PLXNA4: variants seen among roughly 807,000 people sequenced by gnomAD.
PLXNA4 encodes plexin-A4.
In PLXNA4, 44 loss-of-function variants were observed where a neutral mutation model predicts 191.8. The observed-to-expected ratio is 0.23, with a 90% CI of 0.18 to 0.29. The LOEUF (loss-of-function observed/expected upper bound fraction) is 0.29, where lower values mean the gene tolerates loss of function less well. Ranked by LOEUF, PLXNA4 falls within the 10% of genes least tolerant of loss-of-function variation. PLXNA4 has a pLI of 1.00. For synonymous variants in PLXNA4, 1,082 were observed against 1,009.5 expected (o/e 1.07, Z -1.36); for missense variants, 1,800 against 2,488.8 (o/e 0.72, Z 5.89).
At chr7:132,355,106 G>A (rs1193245568) in intron 3 of PLXNA4, among the ~76,000 whole-genome samples, 1 of 152,176 alleles carries the variant, frequency 6.6e-6, no homozygotes, top group African/African-American at 2.4e-5. Flanking sequence ...CCCTGGGCTG[G>A]TTCATGAAGC....
At chr7:132,291,747 C>T (rs762540454) in intron 4 of PLXNA4, among the ~76,000 whole-genome samples, 1 of 152,170 alleles carries the variant, frequency 6.6e-6, no homozygotes, top group Non-Finnish European at 1.5e-5. Context: ...CAAGAGCTGG[C>T]CTATTTCAGC....
At chr7:132,412,096 C>A (rs950385942) in intron 3 of PLXNA4, among the ~76,000 whole-genome samples, 41 of 152,220 alleles carry the variant, frequency 2.7e-4, no homozygotes, top group African/African-American at 9.9e-4. Context: ...CCCCTCACCT[C>A]AGCTCCTCAC....
chr7:132,343,804 C>A (rs765108652), intron 3 of PLXNA4, among the ~76,000 whole-genome samples: 3 of 152,290 alleles, frequency 2.0e-5, no homozygotes, highest in Non-Finnish European at 4.4e-5. Flanking sequence ...ATAATCCCAG[C>A]TACTTGGGAG....
At chr7:132,472,166 C>CT (rs1010001195) in intron 3 of PLXNA4, among the ~76,000 whole-genome samples, 82 of 152,182 alleles carry the variant, frequency 5.4e-4, no homozygotes, top group African/African-American at 2.0e-3. Context: ...TGCATACTTG[C>CT]TTTTTGATCA....
chr7:132,228,742 C>A (rs1359555068), intron 5 of PLXNA4, among the ~76,000 whole-genome samples: 1 of 152,240 alleles, frequency 6.6e-6, no homozygotes, highest in African/African-American at 2.4e-5. Context: ...TAAGGTGTTG[C>A]ACAGTTCTGT....
chr7:132,174,793 G>T lies in PLXNA4; in HGVS notation c.4002C>A (p.Val1334=). The T allele has an allele frequency of 1.2e-6, 2 of 1,614,160 alleles. No homozygotes were observed. Among genetic ancestry groups the T allele is most frequent in the Non-Finnish European group, 1.7e-6 (2 of 1,179,976 alleles). ...VLFPGIEDHP[V]LRDLEVPGYR... ...TGCTTCTCACCTCAAGGTCCCGGAGGACAGGGTGGTCTTCAATTCCTGGGA... is the reference window on the plus strand; with the variant it reads ...TGCTTCTCACCTCAAGGTCCCGGAGTACAGGGTGGTCTTCAATTCCTGGGA... Residue 1334 remains valine (V), a synonymous_variant, in exon 21 of 32, where the codon GTC becomes GTA. Coordinates refer to ENST00000321063, the MANE Select transcript of PLXNA4 (RefSeq NM_020911.2).
At chr7:132,394,968 G>A (rs1793692758) in intron 3 of PLXNA4, among the ~76,000 whole-genome samples, 1 of 152,246 alleles carries the variant, frequency 6.6e-6, no homozygotes. Flanking sequence ...GGGATCCTGG[G>A]CCTCATCACA....
Position 132,311,369 on chromosome 7 carries a change from T to C in PLXNA4, c.1372-13147A>G, listed in dbSNP as rs563366002. On this transcript the variant is annotated intron_variant, in intron 3 of 31. Transcript: ENST00000321063. ...CTGCACACCTTGCTTGTGTCACTTA[T>C]ATGCATTGCTACATGGGGTCATGAG... 2.4e-4 allele frequency among the ~76,000 whole-genome samples: 37 copies of C among 152,226 alleles called. 1 individual carries two copies. The highest frequency in any genetic ancestry group is 1.5e-3 in the Admixed American group (23 of 15,286).
chr7:132,498,791 A>T (rs1466674512), intron 2 of PLXNA4, among the ~76,000 whole-genome samples: 1 of 152,180 alleles, frequency 6.6e-6, no homozygotes, highest in African/African-American at 2.4e-5. Context: ...AGACCAGAAA[A>T]CAGGATAGAA....
intron 1 of PLXNA4, among the ~76,000 whole-genome samples, chr7:132,552,804 A>G (rs759110825): frequency 6.6e-6 from 1 of 152,188 alleles, no homozygotes; most frequent in Non-Finnish European, 1.5e-5. Context: ...TATAAAATCA[A>G]TTAGGTGCCT....
intron 14 of PLXNA4, among the ~76,000 whole-genome samples, chr7:132,191,519 T>C (rs1028438265): frequency 6.6e-6 from 1 of 152,114 alleles, no homozygotes; most frequent in Non-Finnish European, 1.5e-5. Flanking sequence ...CAGAGGCAGC[T>C]AAGGTTCAAA....
At chr7:132,292,812 C>T (rs1800941381) in intron 4 of PLXNA4, among the ~76,000 whole-genome samples, 1 of 152,108 alleles carries the variant, frequency 6.6e-6, no homozygotes, top group Non-Finnish European at 1.5e-5. Context: ...AGGAAGAAGT[C>T]AAGATTCCAG....
chr7:132,187,163 C>G (rs2116775241), intron 15 of PLXNA4, among the ~76,000 whole-genome samples: 1 of 152,222 alleles, frequency 6.6e-6, no homozygotes, highest in Non-Finnish European at 1.5e-5. Flanking sequence ...ATCAGCATTC[C>G]CCACTCCCTA....
chr7:132,465,402 G>T (rs183844397), intron 3 of PLXNA4, among the ~76,000 whole-genome samples: 134 of 152,136 alleles, frequency 8.8e-4, no homozygotes, highest in African/African-American at 3.1e-3. Flanking sequence ...ACAAAGAAAA[G>T]GTTCTGTCTC....
intron 3 of PLXNA4, among the ~76,000 whole-genome samples, chr7:132,311,902 G>A (rs1322870885): frequency 1.3e-5 from 2 of 152,142 alleles, no homozygotes; most frequent in Non-Finnish European, 2.9e-5. Context: ...CCTGTCTGGG[G>A]ATGACATCAC....
chr7:132,419,447 G>A (rs551179951), intron 3 of PLXNA4, among the ~76,000 whole-genome samples: 1 of 152,226 alleles, frequency 6.6e-6, no homozygotes, highest in South Asian at 2.1e-4. Flanking sequence ...CAACTTTTTT[G>A]ATCAAGACCC....
intron 4 of PLXNA4, among the ~76,000 whole-genome samples, chr7:132,276,508 C>T (rs970121481): frequency 2.0e-5 from 3 of 152,060 alleles, no homozygotes; most frequent in Admixed American, 2.0e-4. Flanking sequence ...GGAGGAGTGC[C>T]CAGAAAGCAG....
chr7:132,171,424 C>A (rs910305631), intron 21 of PLXNA4, among the ~76,000 whole-genome samples: 16 of 152,220 alleles, frequency 1.1e-4, no homozygotes, highest in Non-Finnish European at 1.9e-4. Flanking sequence ...CTAGCCCTAC[C>A]CCTGGGCTTG....
chr7:132,514,862 A>G (rs931053240), intron 1 of PLXNA4, among the ~76,000 whole-genome samples: 14 of 152,132 alleles, frequency 9.2e-5, no homozygotes, highest in African/African-American at 2.7e-4. Context: ...AAGAAGCCCA[A>G]CTAATATAGT....
Sources: allele counts gnomAD v4.1 joint callset (sites outside exome capture counted in the v4.1 genomes callset), GRCh38; gene constraint gnomAD v4.1.1; transcripts MANE v1.5; gene names NCBI Gene and HGNC (gene_info 2026-07-23, HGNC 2026-07-21).